FBXO10: variants seen among roughly 807,000 people sequenced by gnomAD.
FBXO10 encodes the protein F-box protein 10.
Under a neutral mutation model 80.7 loss-of-function variants are expected in FBXO10, and 39 were observed. The ratio of observed to expected loss-of-function variants is 0.48; its 90% CI spans 0.37 to 0.63. The LOEUF is 0.63. FBXO10 is among the 30% of genes least tolerant of loss of function. The probability of loss-of-function intolerance (pLI) is 0.00; values close to 1 mark genes in which losing one functional copy is unlikely to be tolerated. For missense variants in FBXO10, 1,025 were observed against 1,269.0 expected (o/e 0.81, Z 2.92); for synonymous variants, 449 against 489.6 (o/e 0.92, Z 1.09).
rs972961665 is a variant in FBXO10, at chr9:37,553,856, C to T, written c.-6-12082G>A. ...GCTTGAACCTGGGAGGCAGAGGTTG[C>T]GGTGAGCCGAGATCATGGCATTGCA... On this transcript the variant is annotated intron_variant, in intron 1 of 10. Coordinates refer to ENST00000432825, the MANE Select transcript of FBXO10 (RefSeq NM_012166.3). Among the ~76,000 whole-genome samples, 6 of 128,846 alleles carry T rather than the reference C, an allele frequency of 4.7e-5. No homozygotes were observed. The South Asian group carries it at 7.7e-4, about 16-fold the overall frequency. The allele number at this position is 128,846 out of a possible 152,430, so 84.5% of individuals were successfully genotyped here. A position where few individuals can be genotyped will look rare whatever the true frequency, so the allele number is the denominator to read the frequency against.
rs1319249766 is a variant in FBXO10, at chr9:37,553,538, T to G, written c.-6-11764A>C. Among the ~76,000 whole-genome samples the G allele has an allele frequency of 5.3e-5, 8 of 152,206 alleles. No homozygotes were observed. The South Asian group carries it at 1.2e-3, about 24-fold the overall frequency. On this transcript the variant is annotated intron_variant, in intron 1 of 10. Transcript: ENST00000432825. ...TGGTATGGCTAGATAGCATAACAGC[T>G]TCTTTCTTTAAGAAGTTGTCTTTAA...
chr9:37,548,852 G>T (rs533721228), intron 1 of FBXO10, among the ~76,000 whole-genome samples: 6 of 152,144 alleles, frequency 3.9e-5, no homozygotes, highest in Admixed American at 2.0e-4. Context: ...GGGTTCAAGC[G>T]ATTCTCCTGC....
intron 1 of FBXO10, among the ~76,000 whole-genome samples, chr9:37,571,973 A>G (rs1822771236): frequency 6.6e-6 from 1 of 150,866 alleles, no homozygotes; most frequent in Admixed American, 6.6e-5. Context: ...GGTCTCTACA[A>G]AAAAAAATAA....
intron 1 of FBXO10, among the ~76,000 whole-genome samples, chr9:37,543,184 C>T (rs987038593): frequency 6.6e-6 from 1 of 152,326 alleles, no homozygotes; most frequent in Admixed American, 6.5e-5. Flanking sequence ...GGGCTGGCTG[C>T]CCAGCCATCT....
chr9:37,569,395 C>CAAAAAAAAAAAAAAA (rs35292200), intron 1 of FBXO10, among the ~76,000 whole-genome samples: 1 of 123,110 alleles, frequency 8.1e-6, no homozygotes, highest in African/African-American at 3.3e-5. Context: ...AGATATAAAG[C>CAAAAAAAAAAAAAAA]AAAAAAAAAA....
chr9:37,558,797 CAAG>C (rs1822400008), intron 1 of FBXO10, among the ~76,000 whole-genome samples: 1 of 149,100 alleles, frequency 6.7e-6, no homozygotes, highest in Non-Finnish European at 1.5e-5. Flanking sequence ...TTATAGAGAT[CAAG>C]AAGAAAGAAA....
rs147573685 is a variant in FBXO10 at position 37,548,866 on chromosome 9, T to A, written c.-6-7092A>T. On this transcript the variant is annotated intron_variant, in intron 1 of 10. Coordinates refer to ENST00000432825, the MANE Select transcript of FBXO10 (RefSeq NM_012166.3). ...TGGGTTCAAGCGATTCTCCTGCCTC[T>A]GCCTCCCAGGTAGCTGGGACTACAG... Among the ~76,000 whole-genome samples the A allele has an allele frequency of 1.8e-4, 28 of 152,144 alleles. No individual in the cohort carries two copies. In the East Asian group the frequency reaches 5.0e-3, roughly 27 times the overall value.
intron 1 of FBXO10, among the ~76,000 whole-genome samples, chr9:37,561,065 C>T (rs1588857771): frequency 6.6e-6 from 1 of 152,030 alleles, no homozygotes; most frequent in African/African-American, 2.4e-5. Context: ...TGGTGTGAAC[C>T]CAGGAGGCGG....
chr9:37,517,683 GC>G (rs1821221147), intron 9 of FBXO10, among the ~76,000 whole-genome samples: 1 of 152,158 alleles, frequency 6.6e-6, no homozygotes, highest in African/African-American at 2.4e-5. Context: ...GCAGTGCAAG[GC>G]GGGCAGGAGG....
chr9:37,543,570 A>G (rs1821979067), intron 1 of FBXO10, among the ~76,000 whole-genome samples: 1 of 152,202 alleles, frequency 6.6e-6, no homozygotes, highest in Non-Finnish European at 1.5e-5. Flanking sequence ...AAAAGCAGAG[A>G]AAAGGGCAGA....
At chr9:37,550,182 T>G (rs1208813396) in intron 1 of FBXO10, among the ~76,000 whole-genome samples, 3 of 84,166 alleles carry the variant, frequency 3.6e-5, no homozygotes, top group South Asian at 7.8e-4. Context: ...TTTTTTTTTT[T>G]TTTTTTTTTT....
chr9:37,526,387 A>G (rs768777079), intron 5 of FBXO10, among the ~76,000 whole-genome samples: 13 of 152,198 alleles, frequency 8.5e-5, no homozygotes, highest in Non-Finnish European at 1.6e-4. Flanking sequence ...GCAAAGAAAC[A>G]AAGGAAAAAA....
chr9:37,523,480 G>C (rs1209578242), intron 6 of FBXO10, among the ~76,000 whole-genome samples: 1 of 152,130 alleles, frequency 6.6e-6, no homozygotes, highest in Non-Finnish European at 1.5e-5. Context: ...TTGAACCCTG[G>C]AGGTCAGGGC....
chr9:37,540,559 T>C (rs962488113), intron 2 of FBXO10, among the ~76,000 whole-genome samples: 5 of 152,210 alleles, frequency 3.3e-5, no homozygotes, highest in African/African-American at 1.2e-4. Context: ...TTCTAGGCAA[T>C]GTATAAGCTA....
rs1178233254 is a variant in FBXO10, at chr9:37,529,172, T to C, written c.1658A>G (p.Asn553Ser). The C allele has an allele frequency of 2.1e-5, 34 of 1,613,834 alleles. No individual in the cohort carries two copies. Among genetic ancestry groups the C allele is most frequent in the Non-Finnish European group, 2.9e-5 (34 of 1,179,886 alleles). ...CAGGATGTAAATGCCAGCCTCCTTATTGGAAAAGATTTGATTGTTCCGGAT... is the reference window on the plus strand; with the variant it reads ...CAGGATGTAAATGCCAGCCTCCTTACTGGAAAAGATTTGATTGTTCCGGAT... ...GIIRNNQIFS[N>S]KEAGIYILYH... Residue 553 changes from asparagine to serine, a missense_variant, in exon 5 of 11, where the codon AAT becomes AGT. Asn to Ser is a conservative substitution (Grantham distance 46, BLOSUM62 1). Around this residue, in one of 3 missense-constraint regions of FBXO10, gnomAD observed 478 missense variants for 667.8 expected, o/e 0.72. Coordinates refer to ENST00000432825, the MANE Select transcript of FBXO10 (RefSeq NM_012166.3).
At chr9:37,564,011 GA>G (rs137868034) in intron 1 of FBXO10, among the ~76,000 whole-genome samples, 2,208 of 152,302 alleles carry the variant, frequency 0.014, 62 homozygotes, top group African/African-American at 0.05. Flanking sequence ...GCCTAGGAGG[GA>G]AAAATGGTTC....
At position 37,521,260 on chromosome 9, in the gene FBXO10, G is replaced by A. The variant is rs1344938208; in HGVS notation, c.2200+309C>T. On this transcript the variant is annotated intron_variant, in intron 8 of 10. Coordinates refer to ENST00000432825, the MANE Select transcript of FBXO10 (RefSeq NM_012166.3). ...AAATAAGAAGCACCTCTGCTCGGCC[G>A]CCCCACCGTCTGGGAAGTGAGGAGC... is the stretch of plus-strand genomic sequence containing the variant. Among the ~76,000 whole-genome samples the A allele has an allele frequency of 8.0e-5, 12 of 150,796 alleles. No homozygotes were observed. In the East Asian group the frequency reaches 1.9e-3, roughly 24 times the overall value.
In FBXO10 at chr9:37,534,355, C is replaced by T. The variant is rs373936319; in HGVS notation, c.1420-2297G>A. 5.9e-5 allele frequency among the ~76,000 whole-genome samples: 9 copies of T among 152,246 alleles called. 1 individual carries two copies. In the South Asian group the frequency reaches 6.2e-4, roughly 11 times the overall value. On this transcript the variant is annotated intron_variant, in intron 3 of 10. Transcript: ENST00000432825. Reference sequence around the variant, plus strand: ...ATCAGAGCTGAGGCTGCTGGACAACCGGCTAGCCTGAATGCTACAAAAAGA... The same window carrying T: ...ATCAGAGCTGAGGCTGCTGGACAACTGGCTAGCCTGAATGCTACAAAAAGA...
At chr9:37,513,558 G>T (rs112336563) in intron 10 of FBXO10, among the ~76,000 whole-genome samples, 222 of 151,376 alleles carry the variant, frequency 1.5e-3, no homozygotes, top group South Asian at 4.0e-3. Flanking sequence ...GGATTTCTGG[G>T]TTTTTTTTGT....
Sources: gnomAD v4.1 joint callset for allele counts (sites outside exome capture counted in the v4.1 genomes callset) on GRCh38, gnomAD v4.1.1 for gene constraint, gnomAD v4.1.1 regional missense constraint, MANE v1.5 for transcripts, NCBI Gene and HGNC (gene_info 2026-07-23, HGNC 2026-07-21) for gene names.